Variants in OSBPL10 observed in about 807,000 individuals in gnomAD.
The protein encoded by OSBPL10 is oxysterol binding protein like 10.
OSBPL10 carries 49 observed loss-of-function variants against 81.7 expected under a neutral mutation model. That is an observed-to-expected ratio of 0.60 (90% CI 0.48 to 0.76). The LOEUF (loss-of-function observed/expected upper bound fraction) is 0.76. Ranked by LOEUF, OSBPL10 falls within the 30% of genes least tolerant of loss-of-function variation. The pLI, the probability that OSBPL10 is intolerant of heterozygous loss-of-function variation, is 0.00. For synonymous variants in OSBPL10, 419 were observed against 383.6 expected (o/e 1.09, Z -1.08); for missense variants, 923 against 987.8 (o/e 0.93, Z 0.88).
intron 1 of OSBPL10, among the ~76,000 whole-genome samples, chr3:32,048,469 G>A (rs1430678514): frequency 2.0e-5 from 3 of 151,930 alleles, no homozygotes; most frequent in African/African-American, 4.8e-5. Context: ...CACCATGCCC[G>A]GCTAATTTTG....
chr3:31,930,267 G>C (rs1211846020), intron 1 of OSBPL10, among the ~76,000 whole-genome samples: 1 of 152,026 alleles, frequency 6.6e-6, no homozygotes, highest in African/African-American at 2.4e-5. Flanking sequence ...ATTCACAAAA[G>C]GGTAAATGCA....
At chr3:32,003,431 A>G (rs1446790669) in intron 2 of OSBPL10, among the ~76,000 whole-genome samples, 1 of 152,192 alleles carries the variant, frequency 6.6e-6, no homozygotes, top group Admixed American at 6.5e-5. Context: ...CCATTTGTAG[A>G]CTTGCCCTGA....
chr3:32,022,480 G>A (rs1262487593), intron 2 of OSBPL10, among the ~76,000 whole-genome samples: 2 of 152,148 alleles, frequency 1.3e-5, no homozygotes, highest in African/African-American at 4.8e-5. Context: ...GGTCATAGGT[G>A]GATTCAAAGA....
At chr3:31,802,633 C>T (rs1699414161) in intron 4 of OSBPL10, among the ~76,000 whole-genome samples, 1 of 151,388 alleles carries the variant, frequency 6.6e-6, no homozygotes, top group Admixed American at 6.6e-5. Flanking sequence ...GGTATTAATT[C>T]CCCTTCTTTT....
upstream of OSBPL10, among the ~76,000 whole-genome samples, chr3:31,985,111 C>T (rs1367239784): frequency 1.3e-5 from 2 of 152,236 alleles, no homozygotes; most frequent in African/African-American, 4.8e-5. Context: ...TGGTCATACA[C>T]GCCTGTAGTC....
At chr3:32,028,945 C>CACAT (rs1699441823) in intron 2 of OSBPL10, among the ~76,000 whole-genome samples, 1 of 143,146 alleles carries the variant, frequency 7.0e-6, no homozygotes, top group Admixed American at 6.9e-5. Flanking sequence ...CACACACACA[C>CACAT]ACACACACAC....
rs1237344150 is a variant in OSBPL10 at position 32,037,123 on chromosome 3, C to G, written n.298+9368G>C. On this transcript the variant is annotated intron_variant and non_coding_transcript_variant, in intron 2 of 3. Transcript: ENST00000479173. The stretch of plus-strand genomic sequence containing the variant: ...AGATGAGTATCCTGTCAGGCAGTAC[C>G]CCTAGAACAGTACATGCTGGAAGAA... Among the ~76,000 whole-genome samples the G allele has an allele frequency of 2.0e-5, 3 of 152,134 alleles. No homozygotes were observed. The East Asian group carries it at 5.8e-4, about 29-fold the overall frequency.
chr3:31,914,460 G>A (rs1696688324), intron 1 of OSBPL10, among the ~76,000 whole-genome samples: 1 of 152,174 alleles, frequency 6.6e-6, no homozygotes, highest in Non-Finnish European at 1.5e-5. Context: ...AGCAGGCAGT[G>A]TTTCCCAACC....
chr3:31,663,705 CCT>C, intron 11 of OSBPL10: 1 of 1,129,722 alleles, frequency 8.9e-7, no homozygotes, highest in Non-Finnish European at 1.1e-6. Flanking sequence ...GTGAGGCACT[CCT>C]CAACTAATTT....
intron 1 of OSBPL10, among the ~76,000 whole-genome samples, chr3:31,957,455 T>C (rs1188046317): frequency 6.6e-6 from 1 of 152,212 alleles, no homozygotes; most frequent in Non-Finnish European, 1.5e-5. Flanking sequence ...GAAAAGACTA[T>C]GAAGCAGGCA....
In OSBPL10 at chr3:31,969,728, A is replaced by G. The variant is rs1559536967; in HGVS notation, c.281+11171T>C. On this transcript the variant is annotated intron_variant, in intron 1 of 11. Coordinates refer to ENST00000396556, the MANE Select transcript of OSBPL10 (RefSeq NM_017784.5). Reference sequence around the variant, plus strand: ...AAATTAGTCAGGCATGGTGGCAGGCACCTGTAATCCCAGCTACTCCGGAGG... The same window carrying G: ...AAATTAGTCAGGCATGGTGGCAGGCGCCTGTAATCCCAGCTACTCCGGAGG... Among the ~76,000 whole-genome samples the G allele has an allele frequency of 2.0e-5, 3 of 152,200 alleles. No individual in the cohort carries two copies. In the East Asian group the frequency reaches 5.8e-4, roughly 30 times the overall value.
At chr3:31,781,159 A>G (rs1308571966) in intron 4 of OSBPL10, among the ~76,000 whole-genome samples, 1 of 152,372 alleles carries the variant, frequency 6.6e-6, no homozygotes, top group East Asian at 1.9e-4. Flanking sequence ...ATGGTTTAAC[A>G]TATTTAAGTC....
chr3:32,019,136 C>G (rs1026539342), intron 2 of OSBPL10, among the ~76,000 whole-genome samples: 4 of 152,172 alleles, frequency 2.6e-5, no homozygotes, highest in African/African-American at 9.6e-5. Context: ...CACCCACCCC[C>G]CCAAATTCCC....
intron 2 of OSBPL10, among the ~76,000 whole-genome samples, chr3:32,022,820 G>A (rs1324101813): frequency 6.6e-6 from 1 of 152,050 alleles, no homozygotes; most frequent in African/African-American, 2.4e-5. Flanking sequence ...ACAAAGCTTT[G>A]TCTAAAAATT....
intron 3 of OSBPL10, among the ~76,000 whole-genome samples, chr3:31,856,069 T>TACACACACACACAC (rs10576489): frequency 7.4e-6 from 1 of 134,446 alleles, no homozygotes; most frequent in Non-Finnish European, 1.6e-5. Context: ...ATGTTTATAT[T>TACACACACACACAC]ACACACACAC....
chr3:31,686,849 G>A, intron 7 of OSBPL10, among the ~76,000 whole-genome samples: 1 of 152,118 alleles, frequency 6.6e-6, no homozygotes. Flanking sequence ...CTCTTCCAAT[G>A]AGGCTTCACT....
At chr3:31,901,586 T>C (rs1014044549) in intron 1 of OSBPL10, among the ~76,000 whole-genome samples, 7 of 152,234 alleles carry the variant, frequency 4.6e-5, no homozygotes, top group Non-Finnish European at 1.0e-4. Flanking sequence ...CTCTGCCCCA[T>C]AGCACACTGC....
At chr3:31,739,729 A>T (rs961945812) in intron 5 of OSBPL10, among the ~76,000 whole-genome samples, 1 of 152,204 alleles carries the variant, frequency 6.6e-6, no homozygotes, top group Non-Finnish European at 1.5e-5. Context: ...TCTTGATCTT[A>T]AACTTCCAGC....
At chr3:32,047,218 C>T (rs955998744) in intron 1 of OSBPL10, among the ~76,000 whole-genome samples, 5 of 152,254 alleles carry the variant, frequency 3.3e-5, no homozygotes, top group African/African-American at 1.2e-4. Context: ...CTCAAGCTAT[C>T]CACTCTCCTC....
Sources: allele counts gnomAD v4.1 joint callset (sites outside exome capture counted in the v4.1 genomes callset), GRCh38; gene constraint gnomAD v4.1.1; transcripts MANE v1.5; gene names NCBI Gene and HGNC (gene_info 2026-07-23, HGNC 2026-07-21).